WWOX: variants seen among roughly 807,000 people sequenced by gnomAD.
WWOX encodes WW domain containing oxidoreductase, also known as WW domain-containing oxidoreductase.
A neutral mutation model predicts 46.2 loss-of-function variants in WWOX; 69 were observed. The ratio of observed to expected loss-of-function variants is 1.49; its 90% CI spans 1.23 to 1.82. The LOEUF (loss-of-function observed/expected upper bound fraction) is 1.82. Ranked by LOEUF, WWOX falls within the 40% of genes most tolerant of loss-of-function variation. WWOX has a pLI of 0.00. For synonymous variants in WWOX, 359 were observed against 202.6 expected (o/e 1.77, Z -6.56); for missense variants, 919 against 542.6 (o/e 1.69, Z -6.89).
chr16:79,171,957 G>A (rs572385032), intron 8 of WWOX, among the ~76,000 whole-genome samples: 2 of 152,272 alleles, frequency 1.3e-5, no homozygotes, highest in East Asian at 3.9e-4. Context: ...GCATAAGCTT[G>A]GGTTTCAGAT....
chr16:78,237,672 T>C (rs2037489269), intron 5 of WWOX: 1 of 152,186 alleles, frequency 6.6e-6, no homozygotes. Context: ...AGTTCTTACA[T>C]TTTCAATCAT....
intron 4 of WWOX, among the ~76,000 whole-genome samples, chr16:78,146,324 G>C (rs1283313252): frequency 6.6e-6 from 1 of 152,108 alleles, no homozygotes; most frequent in East Asian, 1.9e-4. Flanking sequence ...TCTCTTTTTT[G>C]AATTTAAATT....
At chr16:78,932,008 C>T (rs950403656) in intron 8 of WWOX, among the ~76,000 whole-genome samples, 2 of 152,248 alleles carry the variant, frequency 1.3e-5, no homozygotes, top group African/African-American at 2.4e-5. Flanking sequence ...CATGTGTTTG[C>T]TCCACATTGG....
chr16:78,620,858 T>C (rs1035960412), intron 8 of WWOX, among the ~76,000 whole-genome samples: 8 of 152,206 alleles, frequency 5.3e-5, no homozygotes, highest in Admixed American at 3.3e-4. Context: ...TTCTTTCATT[T>C]TTTCATGTCC....
intron 8 of WWOX, among the ~76,000 whole-genome samples, chr16:78,634,476 G>C (rs983136146): frequency 1.1e-4 from 16 of 152,070 alleles, no homozygotes; most frequent in African/African-American, 9.7e-5. Context: ...GGGAGGGCGA[G>C]GCGGGCAGAT....
rs74027925 is a variant in WWOX at position 78,197,077 on chromosome 16, C to G, written c.516+32788C>G. Among the ~76,000 whole-genome samples the G allele has an allele frequency of 3.9e-3, 597 of 152,312 alleles. 3 individuals carry two copies. The highest frequency in any genetic ancestry group is 0.013 in the African/African-American group (559 of 41,556). ...GTGGGAGTTGAGAGCCAGCTCTGCACCAGACTCGTATCAGCCACTTGACCT... is the reference window on the plus strand; with the variant it reads ...GTGGGAGTTGAGAGCCAGCTCTGCAGCAGACTCGTATCAGCCACTTGACCT... On this transcript the variant is annotated intron_variant, in intron 5 of 8. Coordinates refer to ENST00000566780, the MANE Select transcript of WWOX (RefSeq NM_016373.4).
At chr16:78,947,320 A>G (rs1332699636) in intron 8 of WWOX, among the ~76,000 whole-genome samples, 1 of 152,200 alleles carries the variant, frequency 6.6e-6, no homozygotes, top group Non-Finnish European at 1.5e-5. Context: ...GAACGCTGTC[A>G]TTAGCTTCAA....
intron 8 of WWOX, among the ~76,000 whole-genome samples, chr16:78,981,310 C>T (rs933039695): frequency 2.0e-5 from 3 of 152,184 alleles, no homozygotes; most frequent in Admixed American, 2.0e-4. Flanking sequence ...ACGGGAATAA[C>T]CAAAAATGCT....
intron 8 of WWOX, among the ~76,000 whole-genome samples, chr16:78,478,533 G>C (rs897713815): frequency 3.9e-5 from 6 of 152,120 alleles, no homozygotes; most frequent in African/African-American, 9.7e-5. Flanking sequence ...TGGCTTGGCA[G>C]CCTACTCTCC....
At chr16:78,107,454 G>T (rs1486750220) in intron 1 of WWOX, among the ~76,000 whole-genome samples, 1 of 152,138 alleles carries the variant, frequency 6.6e-6, no homozygotes, top group Non-Finnish European at 1.5e-5. Flanking sequence ...CGAAACCCTG[G>T]ATGTACAATA....
At chr16:79,180,500 C>T (rs61342786) in intron 8 of WWOX, among the ~76,000 whole-genome samples, 5 of 152,202 alleles carry the variant, frequency 3.3e-5, no homozygotes, top group East Asian at 3.9e-4. Context: ...TGTGTGTCTT[C>T]GTGAGCCTCC....
intron 8 of WWOX, among the ~76,000 whole-genome samples, chr16:78,976,844 A>AT (rs2046582607): frequency 6.6e-6 from 1 of 152,162 alleles, no homozygotes; most frequent in Non-Finnish European, 1.5e-5. Flanking sequence ...AGTTGCAAAC[A>AT]TGGAGGGCAG....
chr16:78,238,853 A>G (rs569474370), intron 5 of WWOX, among the ~76,000 whole-genome samples: 2 of 147,990 alleles, frequency 1.4e-5, no homozygotes, highest in Non-Finnish European at 3.0e-5. Flanking sequence ...TCCGGACCTC[A>G]GGTGATCTGC....
chr16:78,855,025 A>G (rs139629764), intron 8 of WWOX, among the ~76,000 whole-genome samples: 367 of 151,888 alleles, frequency 2.4e-3, no homozygotes, highest in African/African-American at 8.5e-3. Flanking sequence ...AGTATGATTC[A>G]TCATAAATAA....
At chr16:78,969,249 C>T (rs2046422720) in intron 8 of WWOX, among the ~76,000 whole-genome samples, 1 of 150,574 alleles carries the variant, frequency 6.6e-6, no homozygotes, top group South Asian at 2.1e-4. Flanking sequence ...GGATTGCCAC[C>T]CTGCTCTCTC....
At chr16:78,488,833 T>G (rs1174200642) in intron 8 of WWOX, among the ~76,000 whole-genome samples, 1 of 152,198 alleles carries the variant, frequency 6.6e-6, no homozygotes, top group East Asian at 1.9e-4. Context: ...GTGGGACGAT[T>G]GAGTCAAATA....
intron 8 of WWOX, among the ~76,000 whole-genome samples, chr16:78,657,548 A>C (rs1248243622): frequency 1.3e-5 from 2 of 152,202 alleles, no homozygotes; most frequent in Non-Finnish European, 2.9e-5. Context: ...CCCCTCCTCT[A>C]GTTAAAGACG....
intron 8 of WWOX, among the ~76,000 whole-genome samples, chr16:78,618,215 C>G (rs151112375): frequency 6.6e-6 from 1 of 152,194 alleles, no homozygotes; most frequent in Non-Finnish European, 1.5e-5. Flanking sequence ...TGCTCTCCAA[C>G]CTCTGTCCAT....
intron 1 of WWOX, among the ~76,000 whole-genome samples, chr16:78,107,466 T>C (rs1004086301): frequency 6.6e-6 from 1 of 152,174 alleles, no homozygotes; most frequent in Non-Finnish European, 1.5e-5. Context: ...TGTACAATAT[T>C]CTTATAGTAG....
Sources: gnomAD v4.1 joint callset for allele counts (sites outside exome capture counted in the v4.1 genomes callset) on GRCh38, gnomAD v4.1.1 for gene constraint, MANE v1.5 for transcripts, NCBI Gene and HGNC (gene_info 2026-07-23, HGNC 2026-07-21) for gene names.